The following NXPE4 variants were observed in gnomAD, a reference collection of about 807,000 sequenced individuals.
NXPE4 encodes the protein neurexophilin and PC-esterase domain family member 4.
A neutral mutation model predicts 33.3 loss-of-function variants in NXPE4; 42 were observed. The observed-to-expected ratio is 1.26, with a 90% CI of 0.98 to 1.63. The LOEUF (loss-of-function observed/expected upper bound fraction) is 1.63. Ranked by LOEUF, NXPE4 falls within the 40% of genes most tolerant of loss-of-function variation. NXPE4 has a pLI of 0.00. For synonymous variants in NXPE4, 253 were observed against 234.9 expected (o/e 1.08, Z -0.71); for missense variants, 709 against 647.6 (o/e 1.09, Z -1.03).
chr11:114,634,013 T>A, the NXPE4 span, among the ~76,000 whole-genome samples: 1 of 151,912 alleles, frequency 6.6e-6, no homozygotes, highest in Non-Finnish European at 1.5e-5. Context: ...GTATTTCTAG[T>A]TCTAGATCCC....
At chr11:114,655,352 A>G in the NXPE4 span, among the ~76,000 whole-genome samples, 4 of 151,862 alleles carry the variant, frequency 2.6e-5, no homozygotes, top group African/African-American at 9.7e-5. Context: ...GTCAATTTTC[A>G]CTTTTTTTGC....
the NXPE4 span, among the ~76,000 whole-genome samples, chr11:114,649,757 G>A: frequency 6.6e-6 from 1 of 152,102 alleles, no homozygotes; most frequent in Non-Finnish European, 1.5e-5. Context: ...TGCCTTTTTT[G>A]ACTCACAAAA....
the NXPE4 span, among the ~76,000 whole-genome samples, chr11:114,642,371 TCATCATCCCAC>T: frequency 6.6e-6 from 1 of 152,058 alleles, no homozygotes; most frequent in South Asian, 2.1e-4. Flanking sequence ...TTTGCTGCAC[TCATCATCCCAC>T]CATCTACAGT....
chr11:114,671,293 T>C, the NXPE4 span, among the ~76,000 whole-genome samples: 1 of 150,704 alleles, frequency 6.6e-6, no homozygotes, highest in East Asian at 1.9e-4. Context: ...TTTAGAGAAA[T>C]ACGGTACAAA....
chr11:114,663,477 C>T, the NXPE4 span, among the ~76,000 whole-genome samples: 1 of 151,966 alleles, frequency 6.6e-6, no homozygotes, highest in African/African-American at 2.4e-5. Flanking sequence ...CTAATGGAAG[C>T]CAAGAGCATG....
chr11:114,627,891 T>C, the NXPE4 span, among the ~76,000 whole-genome samples: 13 of 151,488 alleles, frequency 8.6e-5, no homozygotes, highest in African/African-American at 2.9e-4. Context: ...TAAAACAGAC[T>C]TTAAACCAAC....
chr11:114,580,262 GTT>G lies in NXPE4; in HGVS notation c.967_968del (p.Asn323HisfsTer8). The G allele has an allele frequency of 6.2e-7, 1 of 1,613,976 alleles. No homozygotes were observed. The highest frequency in any genetic ancestry group is 8.5e-7 in the Non-Finnish European group (1 of 1,179,894). ...AACTACAGGAGACAGGATTCCATGT[GTT>G]TCTCCAGACATGCCCACTGGGGATT... ...STIPSGHVWRNTWNPVSCSLA... is the reference protein window; with the variant it reads ...STIPSGHVWRXTWNPVSCSLA... On this transcript the variant is annotated frameshift_variant, in exon 5 of 6. Coordinates refer to ENST00000375478, the MANE Select transcript of NXPE4 (RefSeq NM_001077639.2). LOFTEE classifies it high-confidence loss of function.
chr11:114,598,814 G>T (rs936883375), upstream of NXPE4, among the ~76,000 whole-genome samples: 3 of 151,422 alleles, frequency 2.0e-5, no homozygotes, highest in Non-Finnish European at 4.4e-5. Context: ...CTTCCACAAA[G>T]TTCTCTGAAA....
chr11:114,649,192 T>G, the NXPE4 span, among the ~76,000 whole-genome samples: 33 of 152,200 alleles, frequency 2.2e-4, no homozygotes, highest in African/African-American at 6.7e-4. Context: ...TCTGGACCAT[T>G]AATCCTGCCT....
the NXPE4 span, among the ~76,000 whole-genome samples, chr11:114,629,991 A>G: frequency 2.7e-5 from 4 of 150,938 alleles, no homozygotes; most frequent in African/African-American, 9.8e-5. Flanking sequence ...TTCAAGGAGA[A>G]CTACAAACCA....
At chr11:114,613,987 G>C in the NXPE4 span, among the ~76,000 whole-genome samples, 2,860 of 151,610 alleles carry the variant, frequency 0.019, 89 homozygotes, top group African/African-American at 0.066. Flanking sequence ...TTGCCTCTAG[G>C]GTTACCACTG....
chr11:114,661,778 G>C, the NXPE4 span, among the ~76,000 whole-genome samples: 13,982 of 152,262 alleles, frequency 0.092, 767 homozygotes, highest in Middle Eastern at 0.2. Context: ...AAACTTGCTA[G>C]GAAGCTATAG....
At chr11:114,651,448 G>T in the NXPE4 span, among the ~76,000 whole-genome samples, 2 of 152,170 alleles carry the variant, frequency 1.3e-5, no homozygotes, top group East Asian at 1.9e-4. Flanking sequence ...GCTCATAAAG[G>T]TAGTGTGGAC....
rs7944141 is a variant in NXPE4, at chr11:114,588,769, A to G, written c.97-5748T>C. On this transcript the variant is annotated intron_variant, in intron 2 of 5. Transcript: ENST00000375478. Reference sequence around the variant, plus strand: ...AGACCAAAATCCAGGTAAGAATCCCACAGCCTTTATGGAAAGGCTGAAAGA... The same window carrying G: ...AGACCAAAATCCAGGTAAGAATCCCGCAGCCTTTATGGAAAGGCTGAAAGA... Among the ~76,000 whole-genome samples, 45 of 152,272 alleles carry G rather than the reference A, an allele frequency of 3.0e-4. 1 individual carries two copies. Among genetic ancestry groups the G allele is most frequent in the African/African-American group, 9.1e-4 (38 of 41,560 alleles).
chr11:114,572,429 A>G (rs2135174944), intron 5 of NXPE4, among the ~76,000 whole-genome samples: 1 of 152,340 alleles, frequency 6.6e-6, no homozygotes, highest in South Asian at 2.1e-4. Context: ...TCAAGGAGGC[A>G]CCAGAGAAAG....
At chr11:114,635,409 A>C in the NXPE4 span, among the ~76,000 whole-genome samples, 2 of 151,342 alleles carry the variant, frequency 1.3e-5, no homozygotes, top group Non-Finnish European at 2.9e-5. Flanking sequence ...GTCGTCTGCA[A>C]ACAGGGACAA....
At chr11:114,632,094 A>T in the NXPE4 span, among the ~76,000 whole-genome samples, 1 of 145,060 alleles carries the variant, frequency 6.9e-6, no homozygotes, top group Admixed American at 7.1e-5. Context: ...TATATTGTAA[A>T]TATAATGTAA....
chr11:114,588,374 A>G (rs1405926332), intron 2 of NXPE4, among the ~76,000 whole-genome samples: 1 of 152,182 alleles, frequency 6.6e-6, no homozygotes. Context: ...GATGACCCTG[A>G]TAAGTATATA....
the NXPE4 span, among the ~76,000 whole-genome samples, chr11:114,633,067 G>T: frequency 5.6e-5 from 6 of 107,680 alleles, no homozygotes; most frequent in South Asian, 2.7e-4. Flanking sequence ...TTTATATTTT[G>T]TTTTTTATAA....
Sources: gnomAD v4.1 joint callset for allele counts (sites outside exome capture counted in the v4.1 genomes callset) on GRCh38, gnomAD v4.1.1 for gene constraint, MANE v1.5 for transcripts, NCBI Gene and HGNC (gene_info 2026-07-23, HGNC 2026-07-21) for gene names.